The following CUX1 variants were observed in gnomAD, a reference collection of about 807,000 sequenced individuals.
CUX1 encodes the protein cut like homeobox 1, also known as protein CASP.
Under a neutral mutation model 158.8 loss-of-function variants are expected in CUX1, and 31 were observed. That is an observed-to-expected ratio of 0.20 (90% CI 0.15 to 0.26). The LOEUF is 0.26. CUX1 is among the 10% of genes least tolerant of loss of function. The probability of loss-of-function intolerance (pLI) is 1.00; values close to 1 mark genes in which losing one functional copy is unlikely to be tolerated. For missense variants in CUX1, 1,589 were observed against 2,014.6 expected (o/e 0.79, Z 4.04); for synonymous variants, 879 against 862.1 (o/e 1.02, Z -0.34).
intron 1 of CUX1, among the ~76,000 whole-genome samples, chr7:101,914,173 C>A (rs1010703028): frequency 6.6e-6 from 1 of 152,120 alleles, no homozygotes; most frequent in Non-Finnish European, 1.5e-5. Flanking sequence ...GAATTCTAGC[C>A]CACGTTATTC....
intron 4 of CUX1, among the ~76,000 whole-genome samples, chr7:102,074,510 A>T (rs1371254710): frequency 6.6e-6 from 1 of 152,158 alleles, no homozygotes; most frequent in Non-Finnish European, 1.5e-5. Flanking sequence ...CATTAGAGTG[A>T]CAGCTCCATG....
intron 1 of CUX1, among the ~76,000 whole-genome samples, chr7:101,823,519 G>GGATGGTCTT (rs1421793221): frequency 2.0e-5 from 3 of 152,204 alleles, no homozygotes; most frequent in Non-Finnish European, 4.4e-5. Context: ...TGGATGGTCT[G>GGATGGTCTT]GATGGTCTTG....
intron 1 of CUX1, among the ~76,000 whole-genome samples, chr7:101,898,957 C>G (rs1043477884): frequency 6.6e-5 from 10 of 152,346 alleles, no homozygotes; most frequent in Admixed American, 1.3e-4. Flanking sequence ...GGCGTTGGTG[C>G]ACATAGGTGC....
intron 22 of CUX1, among the ~76,000 whole-genome samples, chr7:102,239,087 A>T (rs1554533858): frequency 6.6e-6 from 1 of 152,104 alleles, no homozygotes. Context: ...GGGTTTCACC[A>T]TATTGGCCAG....
At chr7:102,039,057 A>G (rs1358396150) in intron 3 of CUX1, among the ~76,000 whole-genome samples, 1 of 152,252 alleles carries the variant, frequency 6.6e-6, no homozygotes, top group Non-Finnish European at 1.5e-5. Context: ...AGGAAAAAGA[A>G]TATGATAAAA....
At chr7:101,884,091 C>T (rs895673486) in intron 1 of CUX1, among the ~76,000 whole-genome samples, 22 of 151,464 alleles carry the variant, frequency 1.5e-4, no homozygotes, top group African/African-American at 2.7e-4. Flanking sequence ...TAGGGGGTCT[C>T]GCTGACTTGC....
chr7:101,839,710 A>T (rs2131139767), intron 1 of CUX1, among the ~76,000 whole-genome samples: 2 of 147,124 alleles, frequency 1.4e-5, no homozygotes, highest in Non-Finnish European at 3.0e-5. Flanking sequence ...CTTTTTGTTG[A>T]TTTGCAAGAG....
chr7:102,180,817 G>A (rs1792967342), intron 11 of CUX1, among the ~76,000 whole-genome samples: 1 of 151,800 alleles, frequency 6.6e-6, no homozygotes, highest in South Asian at 2.1e-4. Context: ...GGGTCCCTTG[G>A]AGGAGACAGT....
At chr7:102,278,524 G>A (rs1175835724) in intron 18 of CUX1, among the ~76,000 whole-genome samples, 4 of 151,326 alleles carry the variant, frequency 2.6e-5, no homozygotes, top group Admixed American at 2.0e-4. Context: ...CCCAGGAGGC[G>A]GAGGTTTCAG....
At position 102,253,649 on chromosome 7, in the gene CUX1, A is replaced by G; in HGVS notation, c.*4607A>G. 1 of 984,678 alleles carries G rather than the reference A, an allele frequency of 1.0e-6. No homozygotes were observed. The highest frequency in any genetic ancestry group is 1.2e-6 in the Non-Finnish European group (1 of 829,860). 61.0% of individuals were successfully genotyped at this position (984,678 alleles called of 1,614,324 possible). A position where few individuals can be genotyped will look rare whatever the true frequency, so the allele number is the denominator to read the frequency against. On this transcript the variant is annotated 3_prime_UTR_variant, in exon 24 of 24. Transcript: ENST00000292535. Reference sequence around the variant, plus strand: ...CCTTCTGGGAGTCACACAAAAGCAGAGAGATTTTGAACTGAGGGGCGACAG... The same window carrying G: ...CCTTCTGGGAGTCACACAAAAGCAGGGAGATTTTGAACTGAGGGGCGACAG...
intron 2 of CUX1, among the ~76,000 whole-genome samples, chr7:102,026,776 C>T (rs1007248204): frequency 1.4e-5 from 2 of 146,400 alleles, no homozygotes; most frequent in African/African-American, 2.6e-5. Flanking sequence ...GCCGAGATCT[C>T]GCCACTGCAC....
At chr7:102,283,170 C>A in exon 23 of CUX1, 3 of 1,178,446 alleles carry the variant, frequency 2.5e-6, no homozygotes, top group East Asian at 2.4e-5. Flanking sequence ...TTAGACTCCC[C>A]TGAAGAATCC....
chr7:102,234,361 A>C (rs917744183), intron 22 of CUX1, 121 bp downstream of exon 22: 10 of 923,344 alleles, frequency 1.1e-5, no homozygotes, highest in Non-Finnish European at 1.5e-5. Context: ...ACCAGAGGAC[A>C]GGGCAAAAAT....
At chr7:101,978,835 A>G (rs1813051422) in intron 2 of CUX1, among the ~76,000 whole-genome samples, 1 of 152,022 alleles carries the variant, frequency 6.6e-6, no homozygotes, top group African/African-American at 2.4e-5. Flanking sequence ...TGTCATTTCC[A>G]TCTCTGTCTA....
intron 3 of CUX1, among the ~76,000 whole-genome samples, chr7:102,065,109 T>C (rs1438689898): frequency 6.6e-6 from 1 of 151,736 alleles, no homozygotes; most frequent in East Asian, 1.9e-4. Context: ...TAAGACAGGG[T>C]CTCACTTGGT....
intron 2 of CUX1, among the ~76,000 whole-genome samples, chr7:102,026,833 A>C (rs867581312): frequency 0.011 from 1,725 of 151,428 alleles, 39 homozygotes; most frequent in African/African-American, 0.04. Context: ...AAAAAAAAAA[A>C]AAAAAAAAAA....
intron 2 of CUX1, among the ~76,000 whole-genome samples, chr7:102,007,064 A>G (rs1817467994): frequency 6.6e-6 from 1 of 152,120 alleles, no homozygotes; most frequent in Admixed American, 6.5e-5. Flanking sequence ...CAAGGAACAG[A>G]CCCCATGCAC....
At chr7:101,933,017 A>G (rs367695946) in intron 2 of CUX1, among the ~76,000 whole-genome samples, 32 of 152,366 alleles carry the variant, frequency 2.1e-4, no homozygotes, top group East Asian at 9.6e-4. Flanking sequence ...TTTCTCAATT[A>G]TAAGTGTGGG....
intron 1 of CUX1, among the ~76,000 whole-genome samples, chr7:101,880,713 C>T (rs1385670319): frequency 2.0e-5 from 3 of 152,086 alleles, no homozygotes; most frequent in Non-Finnish European, 4.4e-5. Flanking sequence ...TTTATGCATC[C>T]TGGGTTTTTT....
Sources: allele counts gnomAD v4.1 joint callset (sites outside exome capture counted in the v4.1 genomes callset), GRCh38; gene constraint gnomAD v4.1.1; transcripts MANE v1.5; gene names NCBI Gene and HGNC (gene_info 2026-07-23, HGNC 2026-07-21).